FER: variants seen among roughly 807,000 people sequenced by gnomAD.
FER encodes tyrosine-protein kinase Fer.
FER carries 63 observed loss-of-function variants against 111.0 expected under a neutral mutation model. The ratio of observed to expected loss-of-function variants is 0.57; its 90% CI spans 0.46 to 0.70. FER has a LOEUF of 0.70. Among genes scored for constraint, FER ranks in the 30% least tolerant of loss-of-function variants. The pLI, the probability that FER is intolerant of heterozygous loss-of-function variation, is 0.00. For synonymous variants in FER, 327 were observed against 313.9 expected (o/e 1.04, Z -0.44); for missense variants, 914 against 954.0 (o/e 0.96, Z 0.55).
chr5:108,802,050 C>T (rs112311362), intron 3 of FER, among the ~76,000 whole-genome samples: 6 of 152,174 alleles, frequency 3.9e-5, no homozygotes, highest in East Asian at 1.9e-4. Context: ...TTAAAACTTA[C>T]GAATTGTTTA....
intron 10 of FER, among the ~76,000 whole-genome samples, chr5:108,945,472 C>T (rs1179689887): frequency 1.3e-5 from 2 of 151,708 alleles, no homozygotes; most frequent in East Asian, 3.9e-4. Flanking sequence ...ATATGATATT[C>T]AGAAATACAC....
chr5:108,910,455 T>C (rs2150357033), intron 10 of FER, among the ~76,000 whole-genome samples: 1 of 152,308 alleles, frequency 6.6e-6, no homozygotes, highest in East Asian at 1.9e-4. Context: ...GGAAGGCTTT[T>C]ACTTTTTTTA....
chr5:108,945,786 A>G (rs1009792307), intron 10 of FER, among the ~76,000 whole-genome samples: 1 of 151,848 alleles, frequency 6.6e-6, no homozygotes, highest in African/African-American at 2.4e-5. Flanking sequence ...TAGGTTCCTT[A>G]TAGCTTGTGT....
chr5:108,749,119 G>C (rs1422962248), intron 1 of FER: 3 of 152,372 alleles, frequency 2.0e-5, no homozygotes, highest in African/African-American at 7.2e-5. Context: ...GGGGCGCCCG[G>C]GATTCGGCCA....
At chr5:108,845,065 T>TAC (rs1406825390) in intron 5 of FER, among the ~76,000 whole-genome samples, 185 of 62,684 alleles carry the variant, frequency 3.0e-3, no homozygotes, top group Middle Eastern at 7.6e-3. Context: ...TATATATATA[T>TAC]ATACACACAC....
At chr5:108,992,758 C>T (rs567152933) in intron 13 of FER, among the ~76,000 whole-genome samples, 10 of 150,696 alleles carry the variant, frequency 6.6e-5, no homozygotes, top group South Asian at 4.2e-4. Flanking sequence ...GGCTGCCGGG[C>T]GGAGGGGCTC....
intron 10 of FER, among the ~76,000 whole-genome samples, chr5:108,932,355 CT>C (rs990097633): frequency 1.3e-5 from 2 of 152,108 alleles, no homozygotes; most frequent in Non-Finnish European, 2.9e-5. Flanking sequence ...ATGAACTCAT[CT>C]TTTTTTATGG....
intron 16 of FER, among the ~76,000 whole-genome samples, chr5:109,079,410 C>A (rs537685118): frequency 6.6e-6 from 1 of 152,076 alleles, no homozygotes; most frequent in Non-Finnish European, 1.5e-5. Flanking sequence ...TGTTTGACAT[C>A]GGTAACTCCA....
At chr5:108,890,555 C>T (rs1442358873) in intron 9 of FER, among the ~76,000 whole-genome samples, 1 of 152,054 alleles carries the variant, frequency 6.6e-6, no homozygotes, top group Non-Finnish European at 1.5e-5. Flanking sequence ...ATATGACCCT[C>T]TGCCTGTGTG....
At chr5:109,015,496 A>T (rs1287924281) in intron 13 of FER, among the ~76,000 whole-genome samples, 1 of 151,788 alleles carries the variant, frequency 6.6e-6, no homozygotes, top group African/African-American at 2.4e-5. Flanking sequence ...TTCTTGATAC[A>T]CTCTGGAGCT....
intron 5 of FER, among the ~76,000 whole-genome samples, chr5:108,840,896 G>A (rs1761194342): frequency 6.6e-6 from 1 of 152,158 alleles, no homozygotes; most frequent in Non-Finnish European, 1.5e-5. Flanking sequence ...ATTGGCATGT[G>A]TGAATAACCT....
intron 13 of FER, among the ~76,000 whole-genome samples, chr5:109,037,218 T>C (rs1249647326): frequency 6.6e-6 from 1 of 152,052 alleles, no homozygotes; most frequent in Non-Finnish European, 1.5e-5. Context: ...AATTTGGCTG[T>C]AATGTAGACT....
intron 3 of FER, among the ~76,000 whole-genome samples, chr5:108,812,878 T>TTATTGTTA (rs1395719372): frequency 6.6e-6 from 1 of 151,882 alleles, no homozygotes; most frequent in Non-Finnish European, 1.5e-5. Flanking sequence ...CTTTGTGTTA[T>TTATTGTTA]TATTGTTACA....
At position 109,154,328 on chromosome 5, in the gene FER, T is replaced by C. The variant is rs1755145917; in HGVS notation, c.2049-26419T>C. On this transcript the variant is annotated intron_variant, in intron 17 of 19. Coordinates refer to ENST00000281092, the MANE Select transcript of FER (RefSeq NM_005246.4). ...TCCTTGATGAAGTGTATCACCAGTT[T>C]TGAGAACATTAAATGGAAGCTGATT... 2.6e-5 allele frequency among the ~76,000 whole-genome samples: 4 copies of C among 151,932 alleles called. No individual in the cohort carries two copies. The East Asian group carries it at 7.7e-4, about 29-fold the overall frequency.
chr5:109,105,151 C>T (rs1028370496), intron 17 of FER, among the ~76,000 whole-genome samples: 3 of 150,834 alleles, frequency 2.0e-5, no homozygotes, highest in Admixed American at 6.6e-5. Flanking sequence ...GAAGAGATTG[C>T]CTTGTCCAGT....
intron 3 of FER, chr5:108,819,988 G>A (rs903842875): frequency 1.0e-6 from 1 of 985,176 alleles, no homozygotes. Context: ...GGATAATCTG[G>A]AACTACAGGA....
chr5:108,942,365 C>T lies in FER; in HGVS notation c.1237-3765C>T, dbSNP rs145792952. Among the ~76,000 whole-genome samples the T allele has an allele frequency of 4.4e-4, 67 of 152,232 alleles. 1 individual carries two copies. The highest frequency in any genetic ancestry group is 1.5e-3 in the African/African-American group (62 of 41,552). ...TTAAAACAAGATCTTAATAATCATTCAGATGTTTGTTTTGTGCATTTGGTT... is the reference window on the plus strand; with the variant it reads ...TTAAAACAAGATCTTAATAATCATTTAGATGTTTGTTTTGTGCATTTGGTT... On this transcript the variant is annotated intron_variant, in intron 10 of 19. Transcript: ENST00000281092.
At chr5:109,035,317 C>G (rs565527000) in intron 13 of FER, among the ~76,000 whole-genome samples, 63 of 152,186 alleles carry the variant, frequency 4.1e-4, no homozygotes, top group Non-Finnish European at 8.1e-4. Context: ...CAACTCCTAC[C>G]CCAAGCAACC....
chr5:109,011,239 T>C (rs907579149), intron 13 of FER, among the ~76,000 whole-genome samples: 6 of 152,190 alleles, frequency 3.9e-5, no homozygotes, highest in Non-Finnish European at 2.9e-5. Flanking sequence ...AGAACAGAAT[T>C]CAGTGAGATA....
Sources: allele counts gnomAD v4.1 joint callset (sites outside exome capture counted in the v4.1 genomes callset), GRCh38; gene constraint gnomAD v4.1.1; transcripts MANE v1.5; gene names NCBI Gene and HGNC (gene_info 2026-07-23, HGNC 2026-07-21).